The following NCOR2 variants were observed in gnomAD, a reference collection of about 807,000 sequenced individuals.
NCOR2 encodes nuclear receptor corepressor 2.
A neutral mutation model predicts 262.9 loss-of-function variants in NCOR2; 81 were observed. The observed-to-expected ratio is 0.31, with a 90% CI of 0.26 to 0.37. NCOR2 has a LOEUF of 0.37. Among genes scored for constraint, NCOR2 ranks in the 10% least tolerant of loss-of-function variants. The pLI, the probability that NCOR2 is intolerant of heterozygous loss-of-function variation, is 1.00. For synonymous variants in NCOR2, 1,659 were observed against 1,559.3 expected, an observed-to-expected ratio of 1.06 and a Z score of -1.51; for missense variants, 3,385 against 3,621.4, an observed-to-expected ratio of 0.93 and a Z score of 1.68.
chr12:124,501,443 G>A (rs1047568627), intron 1 of NCOR2, among the ~76,000 whole-genome samples: 5 of 152,128 alleles, frequency 3.3e-5, no homozygotes, highest in African/African-American at 1.2e-4. Context: ...TGTTCTGGAG[G>A]CCTCGAGTCC....
intron 40 of NCOR2, 40 bp from the exon 43 acceptor site, chr12:124,334,657 T>C (rs2035713921): frequency 9.3e-6 from 8 of 856,020 alleles, no homozygotes; most frequent in East Asian, 4.1e-5. Context: ...GGCAGCACTC[T>C]CCTGACAGAA....
chr12:124,494,058 G>A (rs866148011), intron 1 of NCOR2, among the ~76,000 whole-genome samples: 4 of 152,120 alleles, frequency 2.6e-5, no homozygotes, highest in South Asian at 2.1e-4. Flanking sequence ...TCTGCAAAGC[G>A]CCCCAGGGGC....
chr12:124,353,590 C>T (rs975048009), intron 27 of NCOR2, among the ~76,000 whole-genome samples: 1 of 152,240 alleles, frequency 6.6e-6, no homozygotes, highest in Non-Finnish European at 1.5e-5. Flanking sequence ...CTTGGGTCCA[C>T]AGCTCACCAG....
chr12:124,392,869 A>C (rs1214261106), intron 16 of NCOR2, among the ~76,000 whole-genome samples: 1 of 152,210 alleles, frequency 6.6e-6, no homozygotes, highest in Non-Finnish European at 1.5e-5. Context: ...AGGCCACTAG[A>C]CAAGGCAGCT....
intron 1 of NCOR2, among the ~76,000 whole-genome samples, chr12:124,559,116 C>T (rs544191920): frequency 3.2e-4 from 49 of 152,282 alleles, no homozygotes; most frequent in African/African-American, 1.2e-3. Flanking sequence ...TGACTGGTCA[C>T]CCGGGTCTGG....
intron 32 of NCOR2, among the ~76,000 whole-genome samples, chr12:124,344,301 T>C (rs972489593): frequency 1.3e-5 from 2 of 152,256 alleles, no homozygotes; most frequent in Non-Finnish European, 1.5e-5. Context: ...AGTGGAATAA[T>C]ATGATTTGCA....
In NCOR2 at chr12:124,483,564, A is replaced by T. The variant is rs770901878; in HGVS notation, c.411+32T>A. On this transcript the variant is annotated intron_variant, in intron 3 of 46. Coordinates refer to ENST00000405201, the Ensembl canonical transcript of NCOR2. This position sits in a 1 kb window ranked among gnomAD's most constrained non-coding sequence, Gnocchi z 6.3. ...AACCAGCAGCAGAACCTCAAGCGGGAGAGGAGCTCCCAGCTGGGGGCCCAG... is the reference window on the plus strand; with the variant it reads ...AACCAGCAGCAGAACCTCAAGCGGGTGAGGAGCTCCCAGCTGGGGGCCCAG... 1 of 1,490,810 alleles carries T rather than the reference A, an allele frequency of 6.7e-7. No individual in the cohort carries two copies. The highest frequency in any genetic ancestry group is 2.2e-5 in the Admixed American group (1 of 46,400). The allele number at this position is 1,490,810 out of a possible 1,614,324, so 92.3% of individuals were successfully genotyped here.
intron 20 of NCOR2, 56 bp from the exon 23 acceptor site, chr12:124,363,855 G>T (rs1455383322): frequency 7.7e-6 from 10 of 1,296,866 alleles, no homozygotes; most frequent in Admixed American, 3.1e-5. Context: ...CTCCCAGGGT[G>T]GGGGGGCTGC....
At chr12:124,564,004 A>G (rs1378992187) in intron 1 of NCOR2, among the ~76,000 whole-genome samples, 1 of 152,244 alleles carries the variant, frequency 6.6e-6, no homozygotes, top group Non-Finnish European at 1.5e-5. Flanking sequence ...CCTCAAGTTC[A>G]CCATCTATAA....
intron 1 of NCOR2, among the ~76,000 whole-genome samples, chr12:124,506,420 C>G (rs903363380): frequency 1.3e-5 from 2 of 152,178 alleles, no homozygotes; most frequent in African/African-American, 4.8e-5. Flanking sequence ...GGACGGCAGC[C>G]AGCTCGGCCC....
intron 7 of NCOR2, among the ~76,000 whole-genome samples, chr12:124,448,847 C>T (rs1189937763): frequency 1.3e-5 from 2 of 152,166 alleles, no homozygotes; most frequent in Admixed American, 6.5e-5. Context: ...ACAATCGGAC[C>T]GGGCTGAACT....
chr12:124,481,522 G>A lies in NCOR2; in HGVS notation c.411+2074C>T, dbSNP rs2047486503. Among the ~76,000 whole-genome samples the A allele has an allele frequency of 6.6e-6, 1 of 152,208 alleles. No individual in the cohort carries two copies. Among genetic ancestry groups the A allele is most frequent in the African/African-American group, 2.4e-5 (1 of 41,454 alleles). On this transcript the variant is annotated intron_variant, in intron 3 of 46. Coordinates refer to ENST00000405201, the Ensembl canonical transcript of NCOR2. The surrounding 1 kb of genome is among the most constrained non-coding windows in gnomAD (Gnocchi z 4.6). ...GGCAGCCAGGGCTGGAAGGAGCGAGGAAAGAGGAATGTGCCTGGGGGAGGG... is the reference window on the plus strand; with the variant it reads ...GGCAGCCAGGGCTGGAAGGAGCGAGAAAAGAGGAATGTGCCTGGGGGAGGG...
At chr12:124,493,245 C>T (rs190302913) in intron 1 of NCOR2, among the ~76,000 whole-genome samples, 236 of 152,218 alleles carry the variant, frequency 1.6e-3, no homozygotes, top group African/African-American at 5.5e-3. Context: ...GGCTAGGAGC[C>T]GGGTGAGGGC....
rs73425639 is a variant in NCOR2, at chr12:124,533,768, G to A, written c.-118+1797C>T. On this transcript the variant is annotated intron_variant, in intron 1 of 46. Coordinates refer to the NCOR2 transcript ENST00000404621. Reference sequence around the variant, plus strand: ...GGGAGCTGGTGCTGTGGCTGTGGGAGCACGATGGGGGTGGACTTGCACAAA... The same window carrying A: ...GGGAGCTGGTGCTGTGGCTGTGGGAACACGATGGGGGTGGACTTGCACAAA... 4.6e-3 allele frequency among the ~76,000 whole-genome samples: 698 copies of A among 152,300 alleles called. 4 individuals are homozygous for A. Among genetic ancestry groups the A allele is most frequent in the African/African-American group, 0.016 (650 of 41,566 alleles).
intron 40 of NCOR2, 132 bp from the exon 43 acceptor site, chr12:124,334,749 G>T (rs1049366024): frequency 1.4e-4 from 84 of 579,656 alleles, no homozygotes; most frequent in Non-Finnish European, 2.4e-4. Context: ...CTGTGGACCT[G>T]CCCGCCACCC....
At position 124,523,008 on chromosome 12, in the gene NCOR2, C is replaced by T. The variant is rs566059265; in HGVS notation, c.-118+12557G>A. 9.8e-5 allele frequency among the ~76,000 whole-genome samples: 15 copies of T among 152,324 alleles called. No individual in the cohort carries two copies. Among genetic ancestry groups the T allele is most frequent in the African/African-American group, 2.4e-4 (10 of 41,578 alleles). ...CTGGATGGGGAGGCCAGACACAGGC[C>T]ATCACCTCTGCCCCTAAATAAAGAC... On this transcript the variant is annotated intron_variant, in intron 1 of 46. Coordinates refer to the NCOR2 transcript ENST00000404621. This position sits in a 1 kb window ranked among gnomAD's most constrained non-coding sequence, Gnocchi z 4.0.
chr12:124,432,344 C>T lies in NCOR2; in HGVS notation c.883-1557G>A, dbSNP rs974345425. ...CTTCCCCTGAGGACACGGTCACCTC[C>T]CTTCCTGGTGAACCGGCCACCCAGA... On this transcript the variant is annotated intron_variant, in intron 8 of 46. Transcript: ENST00000405201. The surrounding 1 kb of genome is among the most constrained non-coding windows in gnomAD (Gnocchi z 5.1). Among the ~76,000 whole-genome samples, 1 of 152,230 alleles carries T rather than the reference C, an allele frequency of 6.6e-6. No individual in the cohort carries two copies. Among genetic ancestry groups the T allele is most frequent in the African/African-American group, 2.4e-5 (1 of 41,456 alleles).
chr12:124,567,332 C>G (rs1449251521), exon 1 of NCOR2: 3 of 151,722 alleles, frequency 2.0e-5, no homozygotes, highest in Non-Finnish European at 1.5e-5. Context: ...AGCGGTGGCG[C>G]CCGGGCTTGG....
intron 19 of NCOR2, 141 bp from the exon 22 acceptor site, chr12:124,372,751 C>A: frequency 1.4e-6 from 1 of 706,186 alleles, no homozygotes; most frequent in Non-Finnish European, 2.3e-6. Context: ...ACCTGGGCTG[C>A]TGCCTAGAGC....
Sources: gnomAD v4.1 joint callset for allele counts (sites outside exome capture counted in the v4.1 genomes callset) on GRCh38, gnomAD v4.1.1 for gene constraint, Gnocchi (gnomAD v3.1) non-coding constraint, MANE v1.5 for transcripts, NCBI Gene and HGNC (gene_info 2026-07-23, HGNC 2026-07-21) for gene names.